The following NAALADL2 variants were observed in gnomAD, a reference collection of about 807,000 sequenced individuals.
NAALADL2 encodes N-acetylated alpha-linked acidic dipeptidase like 2, also known as inactive N-acetylated-alpha-linked acidic dipeptidase-like protein 2.
Under a neutral mutation model 87.2 loss-of-function variants are expected in NAALADL2, and 76 were observed. The ratio of observed to expected loss-of-function variants is 0.87; its 90% confidence interval spans 0.72 to 1.05. The LOEUF (loss-of-function observed/expected upper bound fraction) is 1.05, where lower values mean the gene tolerates loss of function less well. Ranked by LOEUF, NAALADL2 falls within the 50% of genes least tolerant of loss-of-function variation. The pLI, the probability that NAALADL2 is intolerant of heterozygous loss-of-function variation, is 0.00. For missense variants in NAALADL2, 1,089 were observed against 945.8 expected (o/e 1.15, Z -1.99); for synonymous variants, 354 against 331.0 (o/e 1.07, Z -0.75).
At chr3:174,476,130 G>T (rs975455844) in intron 1 of NAALADL2, among the ~76,000 whole-genome samples, 1 of 151,888 alleles carries the variant, frequency 6.6e-6, no homozygotes, top group Admixed American at 6.6e-5. Flanking sequence ...TCAAATATTT[G>T]TGAGAATAAC....
At chr3:175,449,953 A>G (rs1269749101) in intron 6 of NAALADL2, among the ~76,000 whole-genome samples, 1 of 152,204 alleles carries the variant, frequency 6.6e-6, no homozygotes, top group Non-Finnish European at 1.5e-5. Context: ...CATTGAGAAG[A>G]CCTTTCATGT....
At chr3:174,674,659 G>A (rs192437685) in intron 2 of NAALADL2, among the ~76,000 whole-genome samples, 43 of 152,084 alleles carry the variant, frequency 2.8e-4, no homozygotes, top group Non-Finnish European at 1.5e-4. Context: ...AAGCAGGTGC[G>A]AGAAGAGGCA....
intron 1 of NAALADL2, among the ~76,000 whole-genome samples, chr3:174,945,520 C>G (rs1674571450): frequency 6.6e-6 from 1 of 152,070 alleles, no homozygotes; most frequent in Non-Finnish European, 1.5e-5. Context: ...CTTGAGCTAC[C>G]CAAATTTCCT....
At chr3:175,790,811 ACT>A (rs1274919134) in intron 13 of NAALADL2, among the ~76,000 whole-genome samples, 1 of 152,216 alleles carries the variant, frequency 6.6e-6, no homozygotes, top group East Asian at 1.9e-4. Flanking sequence ...CAAAAAGATA[ACT>A]CTTTCTTTCA....
intron 2 of NAALADL2, among the ~76,000 whole-genome samples, chr3:174,557,262 A>G (rs1463197297): frequency 1.5e-4 from 23 of 152,188 alleles, no homozygotes; most frequent in Admixed American, 1.5e-3. Flanking sequence ...ACATGCCACA[A>G]AAACCTTGAC....
chr3:175,173,134 C>G (rs1735108350), intron 2 of NAALADL2, among the ~76,000 whole-genome samples: 1 of 151,312 alleles, frequency 6.6e-6, no homozygotes. Context: ...CTACCCAAAA[C>G]ACAAAAAATT....
At chr3:175,212,779 A>G (rs532651988) in intron 2 of NAALADL2, among the ~76,000 whole-genome samples, 97 of 152,266 alleles carry the variant, frequency 6.4e-4, no homozygotes, top group Non-Finnish European at 1.3e-3. Context: ...GCCTATTTTT[A>G]CCTAGACTTA....
At chr3:175,423,015 T>TAGGA (rs1553890306) in intron 5 of NAALADL2, among the ~76,000 whole-genome samples, 9 of 26,782 alleles carry the variant, frequency 3.4e-4, no homozygotes, top group African/African-American at 1.8e-3. Flanking sequence ...CCCAGGTCCT[T>TAGGA]AAGAAAAAAA....
intron 10 of NAALADL2, among the ~76,000 whole-genome samples, chr3:175,588,731 G>A (rs142741904): frequency 0.012 from 1,894 of 151,824 alleles, 38 homozygotes; most frequent in African/African-American, 0.043. Flanking sequence ...GTAGAGATGG[G>A]GTTTCACCGT....
intron 2 of NAALADL2, among the ~76,000 whole-genome samples, chr3:174,684,522 C>T (rs555993099): frequency 2.0e-5 from 3 of 152,058 alleles, no homozygotes; most frequent in East Asian, 1.9e-4. Context: ...CTTTAAAATA[C>T]TCAAACTTTT....
rs1755061378 is a variant in NAALADL2, at chr3:175,810,164, C to A, written c.*6961C>A. 6.6e-6 allele frequency: 1 copy of A among 151,858 alleles called. No homozygotes were observed. The highest frequency in any genetic ancestry group is 2.4e-5 in the African/African-American group (1 of 41,362). The allele number at this position is 151,858 out of a possible 1,614,324, so 9.4% of individuals were successfully genotyped here. On this transcript the variant is annotated 3_prime_UTR_variant, in exon 14 of 14. Coordinates refer to ENST00000454872, the MANE Select transcript of NAALADL2 (RefSeq NM_207015.3). ...GCATTTGTCGGTAGTTTTTAAATTACTATATAGGGTTGAATGTCTAATTTC... is the reference window on the plus strand; with the variant it reads ...GCATTTGTCGGTAGTTTTTAAATTAATATATAGGGTTGAATGTCTAATTTC...
chr3:175,202,016 C>T (rs1740111264), intron 2 of NAALADL2, among the ~76,000 whole-genome samples: 1 of 152,000 alleles, frequency 6.6e-6, no homozygotes, highest in Admixed American at 6.6e-5. Flanking sequence ...TCATTCAGTC[C>T]ACATCACAGC....
At chr3:174,814,801 T>C (rs895635715) in intron 3 of NAALADL2, among the ~76,000 whole-genome samples, 2 of 152,196 alleles carry the variant, frequency 1.3e-5, no homozygotes, top group Non-Finnish European at 2.9e-5. Context: ...GCCAACTCTT[T>C]TGATTACTTA....
chr3:174,884,801 A>G (rs932976775), intron 1 of NAALADL2, among the ~76,000 whole-genome samples: 2 of 152,094 alleles, frequency 1.3e-5, no homozygotes, highest in African/African-American at 4.8e-5. Context: ...GTTCTTTTCG[A>G]GTATAGCACA....
chr3:174,742,952 C>T (rs1733899141), intron 3 of NAALADL2, among the ~76,000 whole-genome samples: 1 of 151,498 alleles, frequency 6.6e-6, no homozygotes. Flanking sequence ...CTCTGAACTG[C>T]CTGCAGCTTC....
chr3:175,772,933 A>G (rs1477443746), intron 13 of NAALADL2, among the ~76,000 whole-genome samples: 1 of 152,174 alleles, frequency 6.6e-6, no homozygotes, highest in Non-Finnish European at 1.5e-5. Flanking sequence ...ATCTTCAACA[A>G]TAACTGCCAA....
chr3:174,490,543 G>C (rs998270673), intron 1 of NAALADL2, among the ~76,000 whole-genome samples: 4 of 152,086 alleles, frequency 2.6e-5, no homozygotes, highest in African/African-American at 9.7e-5. Flanking sequence ...GAATTGTGTT[G>C]TATGTGAATT....
At chr3:175,362,653 G>T (rs1765163159) in intron 5 of NAALADL2, among the ~76,000 whole-genome samples, 2 of 148,282 alleles carry the variant, frequency 1.3e-5, no homozygotes, top group South Asian at 4.4e-4. Context: ...GCATGTTGAA[G>T]AATCTATTTC....
chr3:175,786,961 A>G (rs985570650), intron 13 of NAALADL2, among the ~76,000 whole-genome samples: 139 of 152,068 alleles, frequency 9.1e-4, no homozygotes, highest in African/African-American at 3.0e-3. Flanking sequence ...GTCTGTTGGA[A>G]TACCCTGCCA....
Sources: allele counts gnomAD v4.1 joint callset (sites outside exome capture counted in the v4.1 genomes callset), GRCh38; gene constraint gnomAD v4.1.1; transcripts MANE v1.5; gene names NCBI Gene and HGNC (gene_info 2026-07-23, HGNC 2026-07-21).